NETO1: variants seen among roughly 807,000 people sequenced by gnomAD.
The protein encoded by NETO1 is neuropilin and tolloid-like protein 1.
A neutral mutation model predicts 61.3 loss-of-function variants in NETO1; 26 were observed. The ratio of observed to expected loss-of-function variants is 0.42; its 90% confidence interval spans 0.31 to 0.59. The LOEUF is 0.59. Ranked by LOEUF, NETO1 falls within the 20% of genes least tolerant of loss-of-function variation. The probability of loss-of-function intolerance (pLI) is 0.12; values close to 1 mark genes in which losing one functional copy is unlikely to be tolerated. For synonymous variants in NETO1, 225 were observed against 225.8 expected (o/e 1.00, Z 0.03); for missense variants, 531 against 662.8 (o/e 0.80, Z 2.18).
intron 8 of NETO1, among the ~76,000 whole-genome samples, chr18:72,752,960 T>C (rs1438346880): frequency 6.6e-6 from 1 of 151,618 alleles, no homozygotes; most frequent in East Asian, 1.9e-4. Flanking sequence ...TAGTGCAATA[T>C]GAAAATGAGT....
rs1002928518 is a variant in NETO1 at position 72,745,057 on chromosome 18, G to A, written c.*3122C>T. The A allele has an allele frequency of 6.6e-6, 1 of 152,148 alleles. No individual in the cohort carries two copies. The highest frequency in any genetic ancestry group is 2.4e-5 in the African/African-American group (1 of 41,436). The allele number at this position is 152,148 out of a possible 1,614,324, so 9.4% of individuals were successfully genotyped here. ...TCAGACTCACGGAAATACTTCTAGAGCAAAAGTAAATGTGAAACAGAAAAA... is the reference window on the plus strand; with the variant it reads ...TCAGACTCACGGAAATACTTCTAGAACAAAAGTAAATGTGAAACAGAAAAA... On this transcript the variant is annotated 3_prime_UTR_variant, in exon 11 of 11. Transcript: ENST00000327305.
chr18:72,847,477 G>C (rs1365252014), intron 4 of NETO1, among the ~76,000 whole-genome samples: 3 of 152,206 alleles, frequency 2.0e-5, no homozygotes, highest in Admixed American at 2.0e-4. Context: ...CCATGAAGAG[G>C]CAGAGCCTTA....
At chr18:72,749,160 C>T in intron 9 of NETO1, 72 bp from the exon 10 acceptor site, 1 of 925,410 alleles carries the variant, frequency 1.1e-6, no homozygotes, top group East Asian at 2.4e-5. Context: ...AATATTTACT[C>T]AAAAGCATTT....
intron 7 of NETO1, among the ~76,000 whole-genome samples, chr18:72,759,214 A>C (rs1314531781): frequency 6.6e-6 from 1 of 152,128 alleles, no homozygotes; most frequent in Non-Finnish European, 1.5e-5. Flanking sequence ...CCTGCCCCAG[A>C]TACCCCTTCT....
chr18:72,758,427 G>T (rs1339482878), intron 7 of NETO1, among the ~76,000 whole-genome samples: 4 of 148,536 alleles, frequency 2.7e-5, no homozygotes, highest in East Asian at 2.0e-4. Context: ...GGGGGGTGGG[G>T]GTGTTTGTAA....
intron 7 of NETO1, among the ~76,000 whole-genome samples, chr18:72,773,436 T>C (rs2071442590): frequency 6.6e-6 from 1 of 152,166 alleles, no homozygotes; most frequent in African/African-American, 2.4e-5. Flanking sequence ...TCTGACTGTC[T>C]CAAGAGGAGG....
rs1470879482 is a variant in NETO1 at position 72,830,971 on chromosome 18, AGGTATACTATTACCTCAT to A, written c.469+27837_469+27854del. 6.6e-6 allele frequency among the ~76,000 whole-genome samples: 1 copy of A among 152,070 alleles called. No individual in the cohort carries two copies. Among genetic ancestry groups the A allele is most frequent in the East Asian group, 1.9e-4 (1 of 5,172 alleles). ...TTCTGACTGCAAAATCTTCTTGATGAGGTATACTATTACCTCATCAAGGTAACAGAATATGTCTCTTCC... is the reference window on the plus strand; with the variant it reads ...TTCTGACTGCAAAATCTTCTTGATGACAAGGTAACAGAATATGTCTCTTCC... On this transcript the variant is annotated intron_variant, in intron 4 of 10. Coordinates refer to ENST00000327305, the MANE Select transcript of NETO1 (RefSeq NM_138966.5). The surrounding 1 kb of genome is among the most constrained non-coding windows in gnomAD (Gnocchi z 4.9).
At chr18:72,798,809 G>A (rs7242528) in intron 4 of NETO1, among the ~76,000 whole-genome samples, 1 of 151,948 alleles carries the variant, frequency 6.6e-6, no homozygotes. Flanking sequence ...CATTTAAAGA[G>A]AATACCAAGA....
chr18:72,840,432 C>T (rs1448165433), intron 4 of NETO1, among the ~76,000 whole-genome samples: 2 of 152,160 alleles, frequency 1.3e-5, no homozygotes, highest in African/African-American at 4.8e-5. Context: ...CAAACAAACA[C>T]TGCAACAAAC....
At chr18:72,784,057 T>G in intron 6 of NETO1, 151 bp from the exon 7 acceptor site, 1 of 631,238 alleles carries the variant, frequency 1.6e-6, no homozygotes, top group Non-Finnish European at 2.7e-6. Context: ...AGATGTACGA[T>G]AAGAACAAAC....
intron 4 of NETO1, among the ~76,000 whole-genome samples, chr18:72,817,826 C>A (rs1411544045): frequency 2.0e-5 from 3 of 152,166 alleles, no homozygotes; most frequent in Non-Finnish European, 4.4e-5. Flanking sequence ...CTTTTTCCTT[C>A]CCACCCCAAC....
At chr18:72,831,016 C>T (rs1276624456) in intron 4 of NETO1, among the ~76,000 whole-genome samples, 1 of 152,098 alleles carries the variant, frequency 6.6e-6, no homozygotes, top group Admixed American at 6.5e-5. Flanking sequence ...GTCTCTTCCT[C>T]TTGGTTTTCA....
intron 4 of NETO1, among the ~76,000 whole-genome samples, chr18:72,805,042 A>G (rs2072630064): frequency 1.3e-5 from 2 of 152,248 alleles, no homozygotes; most frequent in Non-Finnish European, 2.9e-5. Flanking sequence ...TTTATCAAAT[A>G]AATGATAAGT....
chr18:72,827,112 C>T (rs1022107468), intron 4 of NETO1, among the ~76,000 whole-genome samples: 3 of 138,198 alleles, frequency 2.2e-5, no homozygotes, highest in South Asian at 2.2e-4. Context: ...TTTCCAAATC[C>T]GTAAGTTACC....
At chr18:72,844,342 T>C (rs183370134) in intron 4 of NETO1, among the ~76,000 whole-genome samples, 21 of 152,344 alleles carry the variant, frequency 1.4e-4, no homozygotes, top group Non-Finnish European at 2.4e-4. Context: ...TATTTTTCTG[T>C]TCCTTTGTTC....
At chr18:72,811,185 C>T (rs1403644468) in intron 4 of NETO1, among the ~76,000 whole-genome samples, 1 of 152,172 alleles carries the variant, frequency 6.6e-6, no homozygotes, top group East Asian at 1.9e-4. Flanking sequence ...CTTTGGCACT[C>T]ACTTTTCTGA....
intron 4 of NETO1, among the ~76,000 whole-genome samples, chr18:72,817,812 C>T (rs1219318208): frequency 2.6e-5 from 4 of 152,164 alleles, no homozygotes; most frequent in African/African-American, 9.7e-5. Flanking sequence ...TCTCTCAGAC[C>T]TGTCTTTTTC....
intron 7 of NETO1, among the ~76,000 whole-genome samples, chr18:72,775,193 A>G (rs558359717): frequency 6.6e-6 from 1 of 152,336 alleles, no homozygotes; most frequent in East Asian, 1.9e-4. Context: ...CCTAGTAGCA[A>G]GTAAATACTT....
chr18:72,834,025 CAG>C (rs1401563304), intron 4 of NETO1: 4 of 702,888 alleles, frequency 5.7e-6, no homozygotes, highest in Non-Finnish European at 7.0e-6. Context: ...CTACAAGAGA[CAG>C]ATATATTTTC....
Sources: allele counts gnomAD v4.1 joint callset (sites outside exome capture counted in the v4.1 genomes callset), GRCh38; gene constraint gnomAD v4.1.1; non-coding constraint Gnocchi (gnomAD v3.1); transcripts MANE v1.5; gene names NCBI Gene and HGNC (gene_info 2026-07-23, HGNC 2026-07-21).